The following IQCE variants were observed in gnomAD, a reference collection of about 807,000 sequenced individuals.
IQCE encodes the protein IQ motif containing E, also known as IQ domain-containing protein E.
IQCE carries 115 observed loss-of-function variants against 96.0 expected under a neutral mutation model. The ratio of observed to expected loss-of-function variants is 1.20; its 90% confidence interval spans 1.03 to 1.40. The LOEUF (loss-of-function observed/expected upper bound fraction) is 1.40. Ranked by LOEUF, IQCE falls within the 40% of genes most tolerant of loss-of-function variation. The pLI, the probability that IQCE is intolerant of heterozygous loss-of-function variation, is 0.00. For synonymous variants in IQCE, 412 were observed against 371.2 expected (o/e 1.11, Z -1.26); for missense variants, 1,041 against 909.1 (o/e 1.15, Z -1.87).
chr7:2,562,301 T>TATAA (rs1554301266), intron 1 of IQCE, among the ~76,000 whole-genome samples: 1 of 151,602 alleles, frequency 6.6e-6, no homozygotes, highest in African/African-American at 2.4e-5. Context: ...TATATATATA[T>TATAA]AAAATCCTTT....
rs1405097502 is a variant in IQCE, at chr7:2,613,424, A to C, written c.*3262A>C. ...AGGAGGCTTTCCTGGCACAGGGCAC[A>C]GCTCTTAGGAGGCCTTTGTAGGACG... On this transcript the variant is annotated 3_prime_UTR_variant, in exon 22 of 22. Coordinates refer to ENST00000402050, the MANE Select transcript of IQCE (RefSeq NM_152558.5). 1.3e-5 allele frequency: 2 copies of C among 152,220 alleles called. No individual in the cohort carries two copies. The highest frequency in any genetic ancestry group is 2.9e-5 in the Non-Finnish European group (2 of 68,034). 9.4% of individuals were successfully genotyped at this position (152,220 alleles called of 1,614,324 possible).
chr7:2,560,335 A>T (rs954065181), intron 1 of IQCE, among the ~76,000 whole-genome samples: 1 of 152,262 alleles, frequency 6.6e-6, no homozygotes, highest in African/African-American at 2.4e-5. Flanking sequence ...CCTGCTGGCC[A>T]TGCAGGGAAT....
Position 2,605,826 on chromosome 7 carries a change from C to CT in IQCE, c.1744-50_1744-49insT, listed in dbSNP as rs747528920. 41 of 1,477,322 alleles carry CT rather than the reference C, an allele frequency of 2.8e-5. No homozygotes were observed. The South Asian group carries it at 4.9e-4, about 18-fold the overall frequency. 91.5% of individuals were successfully genotyped at this position (1,477,322 alleles called of 1,614,324 possible). The stretch of plus-strand genomic sequence containing the variant: ...GCCCTGGGGGTTGAGTGCTGGGAGC[C>CT]AGCAGGGGGCTGCCAAACAGTCGTC... On this transcript the variant is annotated intron_variant, in intron 19 of 21. Transcript: ENST00000402050.
At chr7:2,581,969 C>T (rs895161312) in intron 8 of IQCE, 8 of 425,628 alleles carry the variant, frequency 1.9e-5, no homozygotes, top group African/African-American at 1.6e-4. Context: ...GCCTCGGCCT[C>T]CCAAAGTGCT....
At chr7:2,560,540 C>G (rs547471819) in intron 1 of IQCE, among the ~76,000 whole-genome samples, 40 of 152,346 alleles carry the variant, frequency 2.6e-4, no homozygotes, top group Non-Finnish European at 4.9e-4. Context: ...CCTGTCTCAT[C>G]TGGAGGGCCT....
chr7:2,559,157 G>C lies in IQCE; in HGVS notation c.-25G>C. ...CGGACGCCCGAGCCAGCAACCCTGAGGGGCGGCCGGGCAGCGCCGCCACCA... is the reference window on the plus strand; with the variant it reads ...CGGACGCCCGAGCCAGCAACCCTGACGGGCGGCCGGGCAGCGCCGCCACCA... On this transcript the variant is annotated 5_prime_UTR_variant, in exon 1 of 22. Transcript: ENST00000402050. 2 of 1,212,200 alleles carry C rather than the reference G, an allele frequency of 1.6e-6. No homozygotes were observed. The highest frequency in any genetic ancestry group is 2.1e-6 in the Non-Finnish European group (2 of 974,860). 75.1% of individuals were successfully genotyped at this position (1,212,200 alleles called of 1,614,324 possible).
At chr7:2,577,613 CG>C (rs1782258727) in intron 6 of IQCE, among the ~76,000 whole-genome samples, 1 of 104,842 alleles carries the variant, frequency 9.5e-6, no homozygotes, top group African/African-American at 3.9e-5. Flanking sequence ...GCTGTGCGCG[CG>C]GGGACGTGTG....
intron 6 of IQCE, among the ~76,000 whole-genome samples, chr7:2,575,543 G>A (rs558973198): frequency 9.2e-5 from 14 of 152,328 alleles, no homozygotes; most frequent in Admixed American, 4.6e-4. Flanking sequence ...CCACCAGTGC[G>A]GGAGGGGAGG....
In IQCE at chr7:2,572,242, A is replaced by T. The variant is rs776287593; in HGVS notation, c.310A>T (p.Thr104Ser). ...ACCCCTCACCTGGGAGCATGCGTGG[A>T]CTGGCGTCCCCGGCGGCACTCCTGA... The part of the protein sequence containing the change: ...NSPLTWEHAW[T>S]GVPGGTPDCL... The change falls in exon 5 of 22, where the codon ACT (threonine) becomes TCT (serine). Residue 104 changes from threonine to serine, a missense_variant. Physicochemically the swap from Thr to Ser is moderately conservative, Grantham distance 58. Coordinates refer to ENST00000402050, the MANE Select transcript of IQCE (RefSeq NM_152558.5). The T allele has an allele frequency of 6.2e-7, 1 of 1,614,178 alleles. No individual in the cohort carries two copies. Among genetic ancestry groups the T allele is most frequent in the East Asian group, 2.2e-5 (1 of 44,886 alleles).
chr7:2,570,394 T>C (rs1248200006), intron 3 of IQCE, among the ~76,000 whole-genome samples: 1 of 151,816 alleles, frequency 6.6e-6, no homozygotes, highest in Non-Finnish European at 1.5e-5. Flanking sequence ...TTTTTTCTGC[T>C]CACTCATTTA....
Position 2,610,142 on chromosome 7 carries a change from A to T in IQCE, c.2068A>T (p.Thr690Ser). ...DDIVIAPSLP[T>S]KNFPV ...TATTGTCATTGCACCGTCTCTGCCCACGAAGAACTTTCCAGTTTAGGTCCC... is the reference window on the plus strand; with the variant it reads ...TATTGTCATTGCACCGTCTCTGCCCTCGAAGAACTTTCCAGTTTAGGTCCC... Residue 690 changes from threonine to serine, a missense_variant, in exon 22 of 22, where the codon ACG becomes TCG. Thr to Ser is a moderately conservative substitution (Grantham distance 58). Transcript: ENST00000402050. The T allele has an allele frequency of 6.2e-7, 1 of 1,609,904 alleles. No individual in the cohort carries two copies. Among genetic ancestry groups the T allele is most frequent in the South Asian group, 1.1e-5 (1 of 91,020 alleles).
At chr7:2,601,378 C>A (rs938971406) in intron 17 of IQCE, 63 bp from the exon 18 acceptor site, 1 of 1,165,004 alleles carries the variant, frequency 8.6e-7, no homozygotes, top group South Asian at 1.3e-5. Context: ...ATGAAGGAAT[C>A]AAAACCACAT....
chr7:2,589,854 A>G (rs1783440477), intron 13 of IQCE, 53 bp from the exon 14 acceptor site: 1 of 1,560,554 alleles, frequency 6.4e-7, no homozygotes, highest in Non-Finnish European at 8.8e-7. Context: ...GGTTTGGTAA[A>G]TAGAAAGTAG....
chr7:2,595,936 C>T (rs964119136), intron 16 of IQCE, among the ~76,000 whole-genome samples: 5 of 152,228 alleles, frequency 3.3e-5, no homozygotes, highest in South Asian at 2.1e-4. Flanking sequence ...TCACCATGGC[C>T]GGCGCTGCCT....
intron 20 of IQCE, among the ~76,000 whole-genome samples, chr7:2,606,393 A>C (rs534150339): frequency 3.0e-4 from 45 of 151,974 alleles, no homozygotes; most frequent in African/African-American, 1.0e-3. Flanking sequence ...GGCATATGAC[A>C]GGCGACGCGT....
chr7:2,559,284 G>A, intron 1 of IQCE, 67 bp downstream of exon 1: 1 of 1,002,570 alleles, frequency 1.0e-6, no homozygotes, highest in Non-Finnish European at 1.3e-6. Flanking sequence ...TCCGTCGCCC[G>A]CAGCCTCGGG....
chr7:2,606,166 G>A (rs1784809022), intron 20 of IQCE, among the ~76,000 whole-genome samples, 169 bp downstream of exon 20: 1 of 152,226 alleles, frequency 6.6e-6, no homozygotes, highest in Non-Finnish European at 1.5e-5. Context: ...ACATCCTGAG[G>A]ACTCCCTGCT....
intron 1 of IQCE, among the ~76,000 whole-genome samples, chr7:2,560,739 T>A (rs1440543760): frequency 6.6e-6 from 1 of 151,904 alleles, no homozygotes; most frequent in Admixed American, 6.6e-5. Flanking sequence ...GGGCAGATCA[T>A]GAGGTCAGGA....
rs776021404 is a variant in IQCE, at chr7:2,605,894, G to T, written c.1762G>T (p.Val588Phe). ...ACCCCAGAGCTCTCCTGTGCCCCGC[G>T]TTCCGAGCCCCATCGCCCAGGCCAC... ...LPDQSSPVPRVPSPIAQATGS... is the reference protein window; with the variant it reads ...LPDQSSPVPRFPSPIAQATGS... The change falls in exon 20 of 22, where the codon GTT (valine) becomes TTT (phenylalanine). Residue 588 changes from valine (V) to phenylalanine (F), a missense_variant. Transcript: ENST00000402050. 1 of 1,605,476 alleles carries T rather than the reference G, an allele frequency of 6.2e-7. No individual in the cohort carries two copies. Among genetic ancestry groups the T allele is most frequent in the Non-Finnish European group, 8.5e-7 (1 of 1,176,950 alleles).
Sources: gnomAD v4.1 joint callset for allele counts (sites outside exome capture counted in the v4.1 genomes callset) on GRCh38, gnomAD v4.1.1 for gene constraint, MANE v1.5 for transcripts, NCBI Gene and HGNC (gene_info 2026-07-23, HGNC 2026-07-21) for gene names.